The following REPIN1 variants were observed in gnomAD, a reference collection of about 807,000 sequenced individuals.
REPIN1 encodes the protein DNA-binding protein REPIN1.
REPIN1 carries 4 observed loss-of-function variants against 5.7 expected under a neutral mutation model. That is an observed-to-expected ratio of 0.71 (90% CI 0.35 to 1.62). The LOEUF (loss-of-function observed/expected upper bound fraction) is 1.62. Among genes scored for constraint, REPIN1 ranks in the 40% most tolerant of loss-of-function variants. REPIN1 has a pLI of 0.05. For missense variants in REPIN1, 854 were observed against 901.0 expected (o/e 0.95, Z 0.67); for synonymous variants, 410 against 386.2 (o/e 1.06, Z -0.72).
chr7:150,369,942 A>C, intron 2 of REPIN1, 74 bp downstream of exon 2: 1 of 1,506,504 alleles, frequency 6.6e-7, no homozygotes, highest in Non-Finnish European at 8.9e-7. Flanking sequence ...TCCCGGCGGA[A>C]GGAAATGGCC....
chr7:150,372,666 G>C lies in REPIN1; in HGVS notation c.1596G>C (p.Ala532=). 6.2e-7 allele frequency: 1 copy of C among 1,611,346 alleles called. No homozygotes were observed. The highest frequency in any genetic ancestry group is 2.2e-5 in the East Asian group (1 of 44,792). ...CCTTCCGCCACAAACCCTACCTGGCGGCGCACCGGCGCATCCACACCGGCG... is the reference window on the plus strand; with the variant it reads ...CCTTCCGCCACAAACCCTACCTGGCCGCGCACCGGCGCATCCACACCGGCG... ...GKAFRHKPYL[A]AHRRIHTGEK... The change falls in exon 3 of 3, where the codon GCG becomes GCC. Residue 532 remains alanine (A), a synonymous_variant. Coordinates refer to ENST00000489432, the MANE Select transcript of REPIN1 (RefSeq NM_001099695.2).
rs765174380 is a variant in REPIN1 at position 150,372,948 on chromosome 7, C to T, written c.*3C>T. The T allele has an allele frequency of 3.1e-6, 5 of 1,609,394 alleles. No homozygotes were observed. The South Asian group carries it at 5.5e-5, about 18-fold the overall frequency. On this transcript the variant is annotated 3_prime_UTR_variant, in exon 3 of 3. Coordinates refer to ENST00000489432, the MANE Select transcript of REPIN1 (RefSeq NM_001099695.2). The stretch of plus-strand genomic sequence containing the variant: ...ACCAGAAGAAGCACGATGTCTGAGA[C>T]GGTGGGCGGGGCCGTGTTGGCTGAG...
intron 2 of REPIN1, chr7:150,370,489 G>A (rs894344268): frequency 1.0e-5 from 5 of 477,718 alleles, no homozygotes; most frequent in African/African-American, 2.0e-5. Flanking sequence ...CCTGTTCCCC[G>A]AGAAGGGCTG....
rs770396879 is a variant in REPIN1 at position 150,371,997 on chromosome 7, C to T, written c.927C>T (p.Ile309=). The T allele has an allele frequency of 2.0e-5, 32 of 1,611,332 alleles. No homozygotes were observed. The highest frequency in any genetic ancestry group is 2.6e-5 in the Non-Finnish European group (31 of 1,179,650). The change falls in exon 3 of 3, where the codon ATC becomes ATT. Residue 309 remains isoleucine (I), a synonymous_variant. Transcript: ENST00000489432. ...GCTTCCGGCACAAGCCCAACTTGAT[C>T]GCTCACCGCCGCGTGCACACGGGCG... ...GKRFRHKPNL[I]AHRRVHTGER...
At position 150,371,507 on chromosome 7, in the gene REPIN1, A is replaced by T; in HGVS notation, c.437A>T (p.Glu146Val). 1.2e-6 allele frequency: 2 copies of T among 1,606,664 alleles called. No homozygotes were observed. Among genetic ancestry groups the T allele is most frequent in the Non-Finnish European group, 1.7e-6 (2 of 1,179,680 alleles). The change falls in exon 3 of 3, where the codon GAG becomes GTG. Residue 146 changes from glutamate (E) to valine (V), a missense_variant. Physicochemically the swap from Glu to Val is moderately radical, Grantham distance 121 (BLOSUM62 -2). This residue lies in a region of REPIN1 where 409 missense variants were observed against 418.6 expected (regional missense o/e 0.98). Coordinates refer to ENST00000489432, the MANE Select transcript of REPIN1 (RefSeq NM_001099695.2). ...GCCCGGCTGCCCTTGCCCTGCCCTGAGTGTGGCCGTCGCTTTCGCCATGCC... is the reference window on the plus strand; with the variant it reads ...GCCCGGCTGCCCTTGCCCTGCCCTGTGTGTGGCCGTCGCTTTCGCCATGCC... ...CQARLPLPCP[E>V]CGRRFRHAPF...
rs1421809640 is a variant in REPIN1, at chr7:150,371,326, C to G, written c.256C>G (p.Gln86Glu). 9 of 1,584,948 alleles carry G rather than the reference C, an allele frequency of 5.7e-6. No homozygotes were observed. The highest frequency in any genetic ancestry group is 6.0e-6 in the Non-Finnish European group (7 of 1,166,656). Reference protein sequence around the residue: ...LLSGPSQESPQTLGKESRGLR... With the variant: ...LLSGPSQESPETLGKESRGLR... ...TTCTGGGCCCTCCCAGGAGTCACCC[C>G]AGACCCTGGGGAAGGAGTCCCGCGG... Residue 86 changes from glutamine to glutamate, a missense_variant, in exon 3 of 3, where the codon CAG becomes GAG. By Grantham distance (29) the Gln-to-Glu change is conservative. This residue lies in a region of REPIN1 where 409 missense variants were observed against 418.6 expected (regional missense o/e 0.98). Coordinates refer to ENST00000489432, the MANE Select transcript of REPIN1 (RefSeq NM_001099695.2).
At chr7:150,368,705 G>A (rs561404569), upstream of REPIN1, 611 of 232,848 alleles carry the variant, frequency 2.6e-3, 3 homozygotes, top group African/African-American at 0.013. Flanking sequence ...CCCCGGCCCC[G>A]GCAGTCCCTC....
chr7:150,370,115 T>A, intron 2 of REPIN1: 1 of 449,182 alleles, frequency 2.2e-6, no homozygotes, highest in East Asian at 3.5e-5. Context: ...ACTGCTTCCT[T>A]CCTCCTTCCG....
chr7:150,369,886 C>G lies in REPIN1; in HGVS notation c.157+18C>G. 1 of 1,569,560 alleles carries G rather than the reference C, an allele frequency of 6.4e-7. No individual in the cohort carries two copies. Among genetic ancestry groups the G allele is most frequent in the South Asian group, 1.2e-5 (1 of 86,652 alleles). ...TCTCCAGGGTAGAGTCTGGCCTTTG[C>G]TGTGCTCCCAAACCACGCCACAACA... is the stretch of plus-strand genomic sequence containing the variant. On this transcript the variant is annotated intron_variant, in intron 2 of 2. Transcript: ENST00000489432.
At chr7:150,371,145 C>G in intron 2 of REPIN1, 83 bp from the exon 3 acceptor site, 1 of 1,447,102 alleles carries the variant, frequency 6.9e-7, no homozygotes, top group Non-Finnish European at 9.1e-7. Flanking sequence ...GATGGCAGCT[C>G]CTGTCCGGGG....
At position 150,373,249 on chromosome 7, in the gene REPIN1, T is replaced by G. The variant is rs1320140998; in HGVS notation, c.*304T>G. On this transcript the variant is annotated 3_prime_UTR_variant, in exon 3 of 3. Coordinates refer to ENST00000489432, the MANE Select transcript of REPIN1 (RefSeq NM_001099695.2). ...CATCCGCCCCTTAGAGCCCTCTGGC[T>G]AGAGGAGCCACCAGTGGAAAGGAAG... is the stretch of plus-strand genomic sequence containing the variant. The G allele has an allele frequency of 2.3e-6, 1 of 438,156 alleles. No homozygotes were observed. The highest frequency in any genetic ancestry group is 2.0e-5 in the African/African-American group (1 of 49,978). 27.1% of individuals were successfully genotyped at this position (438,156 alleles called of 1,614,324 possible).
At chr7:150,370,728 G>A (rs1194342638) in intron 2 of REPIN1, 1 of 702,488 alleles carries the variant, frequency 1.4e-6, no homozygotes, top group East Asian at 2.7e-5. Context: ...CGTCATCTTT[G>A]ATGTCTCACA....
intron 2 of REPIN1, chr7:150,370,106 C>G (rs954586091): frequency 6.3e-6 from 3 of 475,902 alleles, no homozygotes; most frequent in Non-Finnish European, 1.1e-5. Context: ...AGGAGCCTAA[C>G]TGCTTCCTTC....
At chr7:150,370,099 A>G (rs867366319) in intron 2 of REPIN1, 78 of 492,510 alleles carry the variant, frequency 1.6e-4, no homozygotes, top group African/African-American at 1.2e-3. Context: ...GGCCCTTAGG[A>G]GCCTAACTGC....
At chr7:150,368,162 C>T (rs1043639404), upstream of REPIN1, 1 of 152,268 alleles carries the variant, frequency 6.6e-6, no homozygotes, top group Non-Finnish European at 1.5e-5. Flanking sequence ...GCCACCTCGG[C>T]CGTCGCCCCA....
rs1292905940 is a variant in REPIN1 at position 150,372,489 on chromosome 7, G to A, written c.1419G>A (p.Thr473=). The change falls in exon 3 of 3, where the codon ACG becomes ACA. Residue 473 remains threonine (T), a synonymous_variant. Coordinates refer to ENST00000489432, the MANE Select transcript of REPIN1 (RefSeq NM_001099695.2). ...GCGGGAAGAACTTCGGCAAGAAGACGCACCTGGTGGCGCACTCGCGCGTGC... is the reference window on the plus strand; with the variant it reads ...GCGGGAAGAACTTCGGCAAGAAGACACACCTGGTGGCGCACTCGCGCGTGC... ...AECGKNFGKK[T]HLVAHSRVHS... 4 of 1,543,024 alleles carry A rather than the reference G, an allele frequency of 2.6e-6. No individual in the cohort carries two copies. The highest frequency in any genetic ancestry group is 3.5e-6 in the Non-Finnish European group (4 of 1,150,542).
In REPIN1 at chr7:150,371,817, A is replaced by G. The variant is rs762374400; in HGVS notation, c.747A>G (p.Leu249=). The G allele has an allele frequency of 6.2e-6, 10 of 1,609,602 alleles. No individual in the cohort carries two copies. Among genetic ancestry groups the G allele is most frequent in the Non-Finnish European group, 8.5e-6 (10 of 1,178,804 alleles). ...CGRSFAQWDQ[L]VAHKRVHVAE... ...GGAGCTTTGCCCAGTGGGACCAGCT[A>G]GTTGCCCACAAGCGGGTGCACGTAG... Residue 249 remains leucine (L), a synonymous_variant, in exon 3 of 3, where the codon CTA becomes CTG. Coordinates refer to ENST00000489432, the MANE Select transcript of REPIN1 (RefSeq NM_001099695.2).
At position 150,369,849 on chromosome 7, in the gene REPIN1, C is replaced by T. The variant is rs1329729742; in HGVS notation, c.138C>T (p.Pro46=). Residue 46 remains proline (P), a synonymous_variant, in exon 2 of 3, where the codon CCC becomes CCT. Coordinates refer to ENST00000489432, the MANE Select transcript of REPIN1 (RefSeq NM_001099695.2). ...IPKRSWKKPH[P]QLCSLQAEEE... ...AGAGGAGCTGGAAAAAGCCTCATCC[C>T]CAGCTCTGCAGTCTCCAGGGTAGAG... is the stretch of plus-strand genomic sequence containing the variant. 1.2e-6 allele frequency: 2 copies of T among 1,609,836 alleles called. No homozygotes were observed. The highest frequency in any genetic ancestry group is 1.1e-5 in the South Asian group (1 of 90,824).
At position 150,372,108 on chromosome 7, in the gene REPIN1, G is replaced by C; in HGVS notation, c.1038G>C (p.Glu346Asp). 1 of 1,612,180 alleles carries C rather than the reference G, an allele frequency of 6.2e-7. No individual in the cohort carries two copies. Among genetic ancestry groups the C allele is most frequent in the Non-Finnish European group, 8.5e-7 (1 of 1,179,628 alleles). Residue 346 changes from glutamate to aspartate, a missense_variant, in exon 3 of 3, where the codon GAG (glutamate) becomes GAC (aspartate). By Grantham distance (45) the Glu-to-Asp change is conservative (BLOSUM62 2). Coordinates refer to ENST00000489432, the MANE Select transcript of REPIN1 (RefSeq NM_001099695.2). ...CGCACCGGCGCATCCACACCGGCGAGAAGCCCTACCCGTGCAAAGAGTGCG... is the reference window on the plus strand; with the variant it reads ...CGCACCGGCGCATCCACACCGGCGACAAGCCCTACCCGTGCAAAGAGTGCG... Reference protein sequence around the residue: ...LTSHRRIHTGEKPYPCKECGR... With the variant: ...LTSHRRIHTGDKPYPCKECGR...
Sources: gnomAD v4.1 joint callset for allele counts on GRCh38, gnomAD v4.1.1 for gene constraint, gnomAD v4.1.1 regional missense constraint, MANE v1.5 for transcripts, NCBI Gene and HGNC (gene_info 2026-07-23, HGNC 2026-07-21) for gene names.